Variants in PIR observed in about 807,000 individuals in gnomAD.
The protein encoded by PIR is pirin.
A neutral mutation model predicts 24.2 loss-of-function variants in PIR; 22 were observed. That is an observed-to-expected ratio of 0.91 (90% CI 0.65 to 1.30). The LOEUF (loss-of-function observed/expected upper bound fraction) is 1.30. Ranked by LOEUF, PIR falls within the 50% of genes most tolerant of loss-of-function variation. The pLI, the probability that PIR is intolerant of heterozygous loss-of-function variation, is 0.00. For missense variants in PIR, 220 were observed against 220.3 expected (o/e 1.00, Z 0.01); for synonymous variants, 80 against 79.6 (o/e 1.00, Z -0.03).
chrX:15,398,171 C>A (rs763078552), intron 7 of PIR, among the ~76,000 whole-genome samples: 7 of 110,901 alleles, frequency 6.3e-5, no homozygotes, highest in South Asian at 7.7e-4. Flanking sequence ...CGGTGCAGCA[C>A]ACCAACATGG....
chrX:15,422,717 G>T (rs996351485), intron 6 of PIR, among the ~76,000 whole-genome samples: 2 of 111,851 alleles, frequency 1.8e-5, no homozygotes, highest in Admixed American at 9.5e-5. Flanking sequence ...TGTGCTCATG[G>T]ATTGGAAGAA....
intron 5 of PIR, among the ~76,000 whole-genome samples, chrX:15,431,978 C>T (rs1310189388): frequency 9.1e-6 from 1 of 110,108 alleles, no homozygotes; most frequent in Non-Finnish European, 1.9e-5. Flanking sequence ...ATTGGTATCT[C>T]CTTACTCTTT....
intron 2 of PIR, among the ~76,000 whole-genome samples, chrX:15,480,538 C>T (rs1401500860): frequency 8.9e-6 from 1 of 111,823 alleles, no homozygotes; most frequent in African/African-American, 3.3e-5. Context: ...ATTATTGCAA[C>T]AAGATGATAA....
intron 5 of PIR, among the ~76,000 whole-genome samples, chrX:15,444,067 C>A (rs967203925): frequency 4.4e-5 from 5 of 112,390 alleles, no homozygotes; most frequent in Non-Finnish European, 9.4e-5. Context: ...GTACTGACTC[C>A]AATTTTGAAA....
intron 9 of PIR, 112 bp from the exon 10 acceptor site, chrX:15,385,228 C>G (rs994883655): frequency 2.5e-5 from 10 of 407,510 alleles, no homozygotes; most frequent in Non-Finnish European, 4.2e-5. Context: ...CAAGCACATC[C>G]GAAGAGTAAA....
At chrX:15,470,923 C>A (rs763536810) in intron 3 of PIR, among the ~76,000 whole-genome samples, 4 of 110,469 alleles carry the variant, frequency 3.6e-5, no homozygotes, top group Admixed American at 1.9e-4. Context: ...CCCCACCCCC[C>A]CAACACTCAA....
At chrX:15,439,237 A>G (rs1925840286) in intron 5 of PIR, among the ~76,000 whole-genome samples, 2 of 112,448 alleles carry the variant, frequency 1.8e-5, no homozygotes, top group Admixed American at 1.9e-4. Context: ...GCTATTGGGT[A>G]TGTGAAATGT....
At chrX:15,425,837 C>A in intron 6 of PIR, 69 bp downstream of exon 6, 1 of 612,899 alleles carries the variant, frequency 1.6e-6, no homozygotes, top group East Asian at 3.3e-5. Context: ...GGCAAAACAG[C>A]CTCTTGTTGG....
chrX:15,467,694 T>C (rs1921673504), intron 3 of PIR, among the ~76,000 whole-genome samples: 1 of 111,892 alleles, frequency 8.9e-6, no homozygotes, highest in African/African-American at 3.3e-5. Flanking sequence ...AACTGACTTA[T>C]TTGTCTCTTA....
chrX:15,464,425 G>GT, intron 3 of PIR: 1 of 753,890 alleles, frequency 1.3e-6, no homozygotes, highest in Non-Finnish European at 1.6e-6. Flanking sequence ...GTGGATGAAA[G>GT]TAAGTGATAT....
chrX:15,453,596 G>T (rs1466489766), intron 5 of PIR, among the ~76,000 whole-genome samples: 1 of 112,049 alleles, frequency 8.9e-6, no homozygotes, highest in African/African-American at 3.2e-5. Flanking sequence ...AAGAAAGACT[G>T]GTCATTTACT....
intron 6 of PIR, among the ~76,000 whole-genome samples, chrX:15,417,103 C>T (rs1470099883): frequency 9.1e-6 from 1 of 110,238 alleles, no homozygotes; most frequent in African/African-American, 3.3e-5. Flanking sequence ...GCCCGCACGA[C>T]CATGCCTGGC....
chrX:15,431,762 T>C (rs1925517678), intron 5 of PIR, among the ~76,000 whole-genome samples: 1 of 103,188 alleles, frequency 9.7e-6, no homozygotes, highest in African/African-American at 3.6e-5. Flanking sequence ...ACCTCCACAG[T>C]ATAAATACCA....
Position 15,398,562 on chromosome X carries a change from G to C in PIR, c.611-1031C>G, listed in dbSNP as rs7059868. On this transcript the variant is annotated intron_variant, in intron 7 of 9. Coordinates refer to ENST00000380420, the MANE Select transcript of PIR (RefSeq NM_001018109.3). Reference sequence around the variant, plus strand: ...TGCAGTGAAAATTCTACCATTCTTGGAACAGTCTTTTGGGAAGAACGATGG... The same window carrying C: ...TGCAGTGAAAATTCTACCATTCTTGCAACAGTCTTTTGGGAAGAACGATGG... 7.4e-3 allele frequency among the ~76,000 whole-genome samples: 823 copies of C among 110,784 alleles called. 7 individuals carry two copies. Among genetic ancestry groups the C allele is most frequent in the African/African-American group, 0.025 (748 of 30,434 alleles).
chrX:15,409,979 A>G (rs73449341), intron 6 of PIR, among the ~76,000 whole-genome samples: 8,256 of 110,217 alleles, frequency 0.075, 770 homozygotes, highest in African/African-American at 0.25. Context: ...CAGGTTGGGC[A>G]CGGTCACTCA....
intron 6 of PIR, among the ~76,000 whole-genome samples, chrX:15,418,499 C>T (rs771060033): frequency 9.0e-6 from 1 of 111,668 alleles, no homozygotes; most frequent in South Asian, 3.8e-4. Flanking sequence ...ATATAAAAAA[C>T]GTGTGGCCAA....
chrX:15,457,538 T>C (rs1213134626), intron 4 of PIR, among the ~76,000 whole-genome samples: 3 of 111,851 alleles, frequency 2.7e-5, no homozygotes, highest in African/African-American at 9.8e-5. Flanking sequence ...TCCTGCTCAG[T>C]TCAAGGCAGC....
chrX:15,420,315 C>G (rs776986235), intron 6 of PIR, among the ~76,000 whole-genome samples: 1 of 47,513 alleles, frequency 2.1e-5, no homozygotes, highest in Non-Finnish European at 6.2e-5. Context: ...GACAGATATA[C>G]GTTCTCTCTC....
At chrX:15,447,288 TTTTG>T (rs1205798521) in intron 5 of PIR, among the ~76,000 whole-genome samples, 1 of 104,426 alleles carries the variant, frequency 9.6e-6, no homozygotes, top group Admixed American at 1.1e-4. Flanking sequence ...CCAGTTGTTT[TTTTG>T]TTTGTTTGTT....
Sources: gnomAD v4.1 joint callset for allele counts (sites outside exome capture counted in the v4.1 genomes callset) on GRCh38, gnomAD v4.1.1 for gene constraint, MANE v1.5 for transcripts, NCBI Gene and HGNC (gene_info 2026-07-23, HGNC 2026-07-21) for gene names.